The following HIVEP3 variants were observed in gnomAD, a reference collection of about 807,000 sequenced individuals.
The protein encoded by HIVEP3 is HIVEP zinc finger 3.
A neutral mutation model predicts 152.8 loss-of-function variants in HIVEP3; 49 were observed. The observed-to-expected ratio is 0.32, with a 90% CI of 0.26 to 0.41. The LOEUF is 0.41. Among genes scored for constraint, HIVEP3 ranks in the 10% least tolerant of loss-of-function variants. The probability of loss-of-function intolerance (pLI) is 1.00; values close to 1 mark genes in which losing one functional copy is unlikely to be tolerated. For missense variants in HIVEP3, 2,790 were observed against 3,103.3 expected, an observed-to-expected ratio of 0.90 and a Z score of 2.40; for synonymous variants, 1,269 against 1,289.0, an observed-to-expected ratio of 0.98 and a Z score of 0.33.
chr1:41,662,617 C>G lies in HIVEP3; in HGVS notation c.-720-33670G>C, dbSNP rs1420592861. ...GCTGCCAGGGGAGGGTCTCCTCGCC[C>G]GGGGAATCCCTGGCTGCCGGCGGCC... On this transcript the variant is annotated intron_variant, in intron 2 of 8. Transcript: ENST00000372583. This position sits in a 1 kb window ranked among gnomAD's most constrained non-coding sequence, Gnocchi z 7.2. Among the ~76,000 whole-genome samples the G allele has an allele frequency of 1.7e-4, 25 of 151,092 alleles. No homozygotes were observed. The South Asian group carries it at 3.1e-3, about 19-fold the overall frequency.
intron 1 of HIVEP3, among the ~76,000 whole-genome samples, chr1:41,954,269 C>T (rs915849318): frequency 3.9e-5 from 6 of 152,214 alleles, no homozygotes; most frequent in African/African-American, 1.4e-4. Context: ...GATATACTGG[C>T]TTCTACTTCT....
chr1:41,860,325 A>G (rs1643871656), intron 1 of HIVEP3, among the ~76,000 whole-genome samples: 1 of 152,102 alleles, frequency 6.6e-6, no homozygotes, highest in Non-Finnish European at 1.5e-5. Flanking sequence ...CACAACAAAC[A>G]TGTTCATAAT....
At chr1:41,765,789 CT>C (rs1647971536) in intron 1 of HIVEP3, among the ~76,000 whole-genome samples, 1 of 152,176 alleles carries the variant, frequency 6.6e-6, no homozygotes, top group African/African-American at 2.4e-5. Context: ...ATCCCATTGA[CT>C]TTCCCCCCAC....
At chr1:41,841,093 A>C (rs592083) in intron 1 of HIVEP3, among the ~76,000 whole-genome samples, 74,229 of 151,904 alleles carry the variant, frequency 0.49, 20,502 homozygotes, top group African/African-American at 0.76. Context: ...TGTAGCCTGG[A>C]GGGCCGTGCA....
rs924134636 is a variant in HIVEP3 at position 41,873,260 on chromosome 1, G to A, written c.-801+45153C>T. ...GTGCTCCTCTCTTCATCTGCCTTCA[G>A]AGGTAGTCCTGATTAACCTGTTGCC... On this transcript the variant is annotated intron_variant, in intron 1 of 8. Transcript: ENST00000372583. This position sits in a 1 kb window ranked among gnomAD's most constrained non-coding sequence, Gnocchi z 4.2. 3.3e-5 allele frequency among the ~76,000 whole-genome samples: 5 copies of A among 152,222 alleles called. No homozygotes were observed. Among genetic ancestry groups the A allele is most frequent in the African/African-American group, 1.2e-4 (5 of 41,456 alleles).
intron 1 of HIVEP3, among the ~76,000 whole-genome samples, chr1:42,029,426 C>G (rs1336882424): frequency 6.6e-6 from 1 of 152,194 alleles, no homozygotes; most frequent in African/African-American, 2.4e-5. Context: ...TCAGTCTACT[C>G]ATCTGCAAAA....
At chr1:41,653,582 AT>A (rs1279480477) in intron 2 of HIVEP3, among the ~76,000 whole-genome samples, 1 of 152,208 alleles carries the variant, frequency 6.6e-6, no homozygotes, top group Non-Finnish European at 1.5e-5. Context: ...GAGCCCAGAT[AT>A]CCTACCCTTT....
At chr1:41,518,068 G>C (rs1558020494) in intron 7 of HIVEP3, among the ~76,000 whole-genome samples, 1 of 152,236 alleles carries the variant, frequency 6.6e-6, no homozygotes, top group Non-Finnish European at 1.5e-5. Flanking sequence ...AACGTTGGCT[G>C]TAAGTTCTCT....
intron 1 of HIVEP3, among the ~76,000 whole-genome samples, chr1:41,961,657 T>C (rs1645170273): frequency 6.6e-6 from 1 of 152,272 alleles, no homozygotes; most frequent in Admixed American, 6.5e-5. Flanking sequence ...AACTGTACAC[T>C]ACTGCAATTG....
At chr1:41,744,107 T>C (rs1340678738) in intron 1 of HIVEP3, among the ~76,000 whole-genome samples, 1 of 152,134 alleles carries the variant, frequency 6.6e-6, no homozygotes, top group African/African-American at 2.4e-5. Flanking sequence ...TGATGCGATC[T>C]TGACTCACTG....
intron 1 of HIVEP3, among the ~76,000 whole-genome samples, chr1:41,770,428 C>T (rs1034487385): frequency 4.6e-5 from 7 of 152,112 alleles, no homozygotes; most frequent in African/African-American, 1.4e-4. Flanking sequence ...GAGCATGGGC[C>T]GGATGTATTG....
At chr1:41,938,300 C>T (rs1032032049) in intron 1 of HIVEP3, among the ~76,000 whole-genome samples, 1 of 152,188 alleles carries the variant, frequency 6.6e-6, no homozygotes, top group African/African-American at 2.4e-5. Flanking sequence ...TCCTTCCCCA[C>T]CATACCATAC....
chr1:41,658,912 G>A (rs1011308183), intron 2 of HIVEP3, among the ~76,000 whole-genome samples: 5 of 152,192 alleles, frequency 3.3e-5, no homozygotes, highest in African/African-American at 7.2e-5. Context: ...ATTCTATAAC[G>A]GTAGAGCTAA....
At chr1:41,809,454 G>A (rs1650822625) in intron 1 of HIVEP3, among the ~76,000 whole-genome samples, 1 of 152,166 alleles carries the variant, frequency 6.6e-6, no homozygotes, top group African/African-American at 2.4e-5. Context: ...CTCAATACAG[G>A]TGATTCTTCC....
chr1:41,701,567 CT>C (rs1646363560), intron 1 of HIVEP3, among the ~76,000 whole-genome samples: 1 of 152,174 alleles, frequency 6.6e-6, no homozygotes, highest in Non-Finnish European at 1.5e-5. Context: ...GGGCAAAGCA[CT>C]TTGGTTAAGC....
At chr1:41,534,753 A>G (rs952857902) in intron 5 of HIVEP3, among the ~76,000 whole-genome samples, 1 of 152,172 alleles carries the variant, frequency 6.6e-6, no homozygotes, top group African/African-American at 2.4e-5. Flanking sequence ...TTCCCACTCC[A>G]GGAGTTCCTG....
chr1:41,576,839 G>T (rs765434138), intron 4 of HIVEP3, among the ~76,000 whole-genome samples: 3 of 152,202 alleles, frequency 2.0e-5, no homozygotes, highest in Non-Finnish European at 4.4e-5. Context: ...CCATCTTGAA[G>T]ATCAATTCCA....
intron 2 of HIVEP3, among the ~76,000 whole-genome samples, chr1:41,672,950 C>T (rs1038166817): frequency 1.3e-5 from 2 of 152,188 alleles, no homozygotes; most frequent in African/African-American, 2.4e-5. Flanking sequence ...ATGTCCCTGA[C>T]GTTACGTATG....
intron 1 of HIVEP3, among the ~76,000 whole-genome samples, chr1:41,864,851 G>A (rs956534483): frequency 2.0e-5 from 3 of 152,228 alleles, no homozygotes; most frequent in African/African-American, 7.2e-5. Context: ...ACGCTTCAGC[G>A]CTGGCTGCCT....
Sources: allele counts gnomAD v4.1 joint callset (sites outside exome capture counted in the v4.1 genomes callset), GRCh38; gene constraint gnomAD v4.1.1; non-coding constraint Gnocchi (gnomAD v3.1); transcripts MANE v1.5; gene names NCBI Gene and HGNC (gene_info 2026-07-23, HGNC 2026-07-21).